Variants in ESRRG observed in about 807,000 individuals in gnomAD.
The protein encoded by ESRRG is estrogen-related receptor gamma.
A neutral mutation model predicts 44.0 loss-of-function variants in ESRRG; 13 were observed. That is an observed-to-expected ratio of 0.30 (90% CI 0.19 to 0.47). The LOEUF is 0.47. Ranked by LOEUF, ESRRG falls within the 20% of genes least tolerant of loss-of-function variation. The probability of loss-of-function intolerance (pLI) is 1.00; values close to 1 mark genes in which losing one functional copy is unlikely to be tolerated. For synonymous variants in ESRRG, 215 were observed against 214.6 expected (o/e 1.00, Z -0.02); for missense variants, 395 against 580.6 (o/e 0.68, Z 3.29).
chr1:216,636,709 C>T (rs1029274250), intron 3 of ESRRG, among the ~76,000 whole-genome samples: 2 of 152,198 alleles, frequency 1.3e-5, no homozygotes, highest in Non-Finnish European at 2.9e-5. Flanking sequence ...CCTAGCTTTA[C>T]AAGCTTGGGA....
chr1:217,074,967 A>G (rs1207913788), intron 1 of ESRRG, among the ~76,000 whole-genome samples: 2 of 152,132 alleles, frequency 1.3e-5, no homozygotes, highest in Non-Finnish European at 2.9e-5. Context: ...TCAAAAATAC[A>G]GTCATCTCTC....
At chr1:216,785,291 A>C (rs1311108305) in intron 2 of ESRRG, among the ~76,000 whole-genome samples, 2 of 152,086 alleles carry the variant, frequency 1.3e-5, no homozygotes, top group African/African-American at 2.4e-5. Context: ...TGGTTTTGGC[A>C]TTAAAAGTTA....
At chr1:216,959,236 T>C (rs1314987722) in intron 1 of ESRRG, among the ~76,000 whole-genome samples, 1 of 152,078 alleles carries the variant, frequency 6.6e-6, no homozygotes, top group Non-Finnish European at 1.5e-5. Context: ...TTTTTAATGC[T>C]CCAGAAGTGT....
At chr1:216,609,779 A>G (rs2060387397) in intron 3 of ESRRG, among the ~76,000 whole-genome samples, 1 of 152,246 alleles carries the variant, frequency 6.6e-6, no homozygotes. Context: ...ATTAGTTAAC[A>G]TAGATGTTGT....
At chr1:216,791,192 G>T (rs149986921) in intron 2 of ESRRG, among the ~76,000 whole-genome samples, 18 of 152,212 alleles carry the variant, frequency 1.2e-4, no homozygotes, top group Non-Finnish European at 2.5e-4. Flanking sequence ...GGAGATGTTT[G>T]GATCATGGGG....
At chr1:216,790,878 T>G (rs2094298144) in intron 2 of ESRRG, among the ~76,000 whole-genome samples, 1 of 152,134 alleles carries the variant, frequency 6.6e-6, no homozygotes, top group Non-Finnish European at 1.5e-5. Context: ...CATCTTGTGC[T>G]CTTAATGGAA....
intron 5 of ESRRG, among the ~76,000 whole-genome samples, chr1:216,563,052 G>A (rs2059076033): frequency 6.6e-6 from 1 of 152,128 alleles, no homozygotes; most frequent in South Asian, 2.1e-4. Flanking sequence ...AGTAATCCTT[G>A]TGTAGGTGTC....
chr1:216,556,100 T>C (rs2057491869), intron 5 of ESRRG, among the ~76,000 whole-genome samples: 1 of 152,216 alleles, frequency 6.6e-6, no homozygotes, highest in Non-Finnish European at 1.5e-5. Flanking sequence ...ATACTAATTA[T>C]GCCAGCTTTT....
At chr1:216,723,189 C>G in intron 1 of ESRRG, 55 bp downstream of exon 1, 1 of 1,425,010 alleles carries the variant, frequency 7.0e-7, no homozygotes, top group Non-Finnish European at 9.9e-7. Flanking sequence ...GTCTGTCCGC[C>G]CCCACCCCCG....
chr1:216,669,124 G>T (rs1267683250), intron 2 of ESRRG, among the ~76,000 whole-genome samples: 1 of 151,834 alleles, frequency 6.6e-6, no homozygotes, highest in Non-Finnish European at 1.5e-5. Context: ...AAAACAAAGA[G>T]TATGGAACAG....
intron 3 of ESRRG, among the ~76,000 whole-genome samples, chr1:216,650,618 C>A (rs1337369150): frequency 6.6e-6 from 1 of 151,916 alleles, no homozygotes; most frequent in Non-Finnish European, 1.5e-5. Context: ...AAAAAAAAAT[C>A]TCTCTGCAAA....
intron 1 of ESRRG, among the ~76,000 whole-genome samples, chr1:216,997,337 A>T (rs1020193132): frequency 6.6e-6 from 1 of 152,210 alleles, no homozygotes; most frequent in East Asian, 1.9e-4. Context: ...ACATGCCGCT[A>T]GCAGGATATT....
chr1:216,733,988 A>T lies in ESRRG; in HGVS notation c.-13-56497T>A, dbSNP rs80350883. ...ACAGAGCAACAGAGCAAGACTCTGT[A>T]AAAAAAAAAAAAAAAAAAAACTCAC... On this transcript the variant is annotated intron_variant, in intron 2 of 7. Coordinates refer to the ESRRG transcript ENST00000359162. Among the ~76,000 whole-genome samples the T allele has an allele frequency of 3.7e-3, 200 of 53,604 alleles. 1 individual carries two copies. Among genetic ancestry groups the T allele is most frequent in the Middle Eastern group, 0.017 (1 of 60 alleles). The allele number at this position is 53,604 out of a possible 152,430, so 35.2% of individuals were successfully genotyped here. A position where few individuals can be genotyped will look rare whatever the true frequency, so the allele number is the denominator to read the frequency against.
At chr1:216,671,254 A>G (rs959948386) in intron 2 of ESRRG, among the ~76,000 whole-genome samples, 5 of 152,216 alleles carry the variant, frequency 3.3e-5, no homozygotes, top group Non-Finnish European at 7.3e-5. Flanking sequence ...TTCACAGGGA[A>G]ATAAAGTTAA....
Position 216,503,424 on chromosome 1 carries a change from C to T in ESRRG, c.*3515G>A, listed in dbSNP as rs1471696947. ...ACAAATGGACATTTGCTGGAGCACA[C>T]AGTATGGTACACATCACAAAAATAT... On this transcript the variant is annotated 3_prime_UTR_variant, in exon 7 of 7. Transcript: ENST00000408911. The T allele has an allele frequency of 6.6e-6, 1 of 152,410 alleles. No individual in the cohort carries two copies. Among genetic ancestry groups the T allele is most frequent in the African/African-American group, 2.4e-5 (1 of 41,382 alleles). The allele number at this position is 152,410 out of a possible 1,614,324, so 9.4% of individuals were successfully genotyped here.
intron 2 of ESRRG, among the ~76,000 whole-genome samples, chr1:216,857,261 C>T (rs2095961376): frequency 6.6e-6 from 1 of 151,812 alleles, no homozygotes. Context: ...ATCTGCTAAC[C>T]AGCACTGGGC....
intron 5 of ESRRG, among the ~76,000 whole-genome samples, chr1:216,553,187 C>T (rs758177736): frequency 6.6e-6 from 1 of 152,150 alleles, no homozygotes. Context: ...CCTTCTCCCT[C>T]TCTCCCTCTG....
At chr1:216,936,695 C>T (rs541254105) in intron 2 of ESRRG, 17 of 151,296 alleles carry the variant, frequency 1.1e-4, no homozygotes, top group African/African-American at 2.4e-4. Flanking sequence ...TTTTCTCTCA[C>T]GGACCTTGAG....
At chr1:216,766,769 T>C (rs2093100153) in intron 2 of ESRRG, among the ~76,000 whole-genome samples, 1 of 152,112 alleles carries the variant, frequency 6.6e-6, no homozygotes, top group East Asian at 1.9e-4. Flanking sequence ...AGTCAGAGTC[T>C]CTTTAGAAGG....
Sources: allele counts gnomAD v4.1 joint callset (sites outside exome capture counted in the v4.1 genomes callset), GRCh38; gene constraint gnomAD v4.1.1; transcripts MANE v1.5; gene names NCBI Gene and HGNC (gene_info 2026-07-23, HGNC 2026-07-21).